EIF4EBP1: variants seen among roughly 807,000 people sequenced by gnomAD.
EIF4EBP1 encodes the protein eukaryotic translation initiation factor 4E-binding protein 1.
A neutral mutation model predicts 9.2 loss-of-function variants in EIF4EBP1; 5 were observed. That is an observed-to-expected ratio of 0.54 (90% CI 0.28 to 1.14). EIF4EBP1 has a LOEUF of 1.14. EIF4EBP1 is among the 50% of genes most tolerant of loss of function. The pLI is 0.09. For synonymous variants in EIF4EBP1, 62 were observed against 67.0 expected (o/e 0.93, Z 0.36); for missense variants, 139 against 169.6 (o/e 0.82, Z 1.00).
At chr8:38,054,873 T>TG (rs2130399049) in intron 1 of EIF4EBP1, among the ~76,000 whole-genome samples, 1 of 152,292 alleles carries the variant, frequency 6.6e-6, no homozygotes, top group South Asian at 2.1e-4. Context: ...ATTTTACAGA[T>TG]GAGGAGATGG....
intron 1 of EIF4EBP1, among the ~76,000 whole-genome samples, chr8:38,046,584 T>C (rs189572132): frequency 6.6e-6 from 1 of 152,332 alleles, no homozygotes; most frequent in East Asian, 1.9e-4. Context: ...TTATGTCACC[T>C]GGACCCTGCA....
rs929281864 is a variant in EIF4EBP1, at chr8:38,035,582, G to A, written c.145+4864G>A. Among the ~76,000 whole-genome samples the A allele has an allele frequency of 4.6e-5, 7 of 152,204 alleles. No homozygotes were observed. In the South Asian group the frequency reaches 1.5e-3, roughly 32 times the overall value. On this transcript the variant is annotated intron_variant, in intron 1 of 2. Coordinates refer to ENST00000338825, the MANE Select transcript of EIF4EBP1 (RefSeq NM_004095.4). ...CTAACTCTGTCGCCCAGGCTAGAGT[G>A]CAGTGGCATGATTTCAGCTCACTGC...
At chr8:38,056,856 T>C (rs1585532342) in intron 1 of EIF4EBP1, among the ~76,000 whole-genome samples, 1 of 151,592 alleles carries the variant, frequency 6.6e-6, no homozygotes, top group Admixed American at 6.6e-5. Context: ...AGAGACGGGG[T>C]TTCACCATGT....
rs1259221453 is a variant in EIF4EBP1, at chr8:38,042,401, C to T, written c.145+11683C>T. Among the ~76,000 whole-genome samples the T allele has an allele frequency of 2.6e-5, 4 of 152,290 alleles. No individual in the cohort carries two copies. The East Asian group carries it at 5.8e-4, about 22-fold the overall frequency. On this transcript the variant is annotated intron_variant, in intron 1 of 2. Coordinates refer to ENST00000338825, the MANE Select transcript of EIF4EBP1 (RefSeq NM_004095.4). Reference sequence around the variant, plus strand: ...TGTAAACAGATTTCTCTCTTCTGCCCTTCTGAACACAAGGGTAGAGTGGGC... The same window carrying T: ...TGTAAACAGATTTCTCTCTTCTGCCTTTCTGAACACAAGGGTAGAGTGGGC...
chr8:38,043,427 C>T (rs1040162320), intron 1 of EIF4EBP1, among the ~76,000 whole-genome samples: 1 of 145,290 alleles, frequency 6.9e-6, no homozygotes, highest in Admixed American at 7.0e-5. Context: ...TGCAGTGGTG[C>T]GATCTTGGCT....
At chr8:38,058,318 G>A (rs560264533) in intron 2 of EIF4EBP1, among the ~76,000 whole-genome samples, 32 of 152,248 alleles carry the variant, frequency 2.1e-4, no homozygotes, top group Non-Finnish European at 3.4e-4. Context: ...ATAACATGGC[G>A]GAAGGCATCA....
At chr8:38,033,499 G>C (rs1006754785) in intron 1 of EIF4EBP1, among the ~76,000 whole-genome samples, 1 of 151,722 alleles carries the variant, frequency 6.6e-6, no homozygotes, top group African/African-American at 2.4e-5. Context: ...AAAAAAGATG[G>C]CTCCATCCAG....
At chr8:38,051,925 T>C (rs1275895268) in intron 1 of EIF4EBP1, among the ~76,000 whole-genome samples, 2 of 152,196 alleles carry the variant, frequency 1.3e-5, no homozygotes, top group Non-Finnish European at 2.9e-5. Context: ...GAGGTCTCGC[T>C]GTGTTGGCCA....
At chr8:38,040,622 T>C (rs1398266904) in intron 1 of EIF4EBP1, among the ~76,000 whole-genome samples, 3 of 152,230 alleles carry the variant, frequency 2.0e-5, no homozygotes, top group African/African-American at 7.2e-5. Flanking sequence ...AGCTCCAAGA[T>C]GGTCTTACCC....
Position 38,045,711 on chromosome 8 carries a change from T to A in EIF4EBP1, c.146-11370T>A, listed in dbSNP as rs796100255. Among the ~76,000 whole-genome samples the A allele has an allele frequency of 2.0e-5, 3 of 152,064 alleles. 1 individual carries two copies. Among genetic ancestry groups the A allele is most frequent in the African/African-American group, 7.2e-5 (3 of 41,528 alleles). On this transcript the variant is annotated intron_variant, in intron 1 of 2. Transcript: ENST00000338825. ...CAGACCGAGACTCTATCTCAAAAAATAATAATAATGATAATTAATTAATAG... is the reference window on the plus strand; with the variant it reads ...CAGACCGAGACTCTATCTCAAAAAAAAATAATAATGATAATTAATTAATAG...
chr8:38,048,981 C>T (rs952150728), intron 1 of EIF4EBP1, among the ~76,000 whole-genome samples: 4 of 151,496 alleles, frequency 2.6e-5, no homozygotes, highest in African/African-American at 7.3e-5. Context: ...CAAAATTAGC[C>T]GGGCTTGGTG....
intron 1 of EIF4EBP1, among the ~76,000 whole-genome samples, chr8:38,031,980 G>A (rs889306252): frequency 1.3e-5 from 2 of 152,238 alleles, no homozygotes; most frequent in Non-Finnish European, 1.5e-5. Flanking sequence ...TGCCATTCCC[G>A]ACTCATCCTC....
chr8:38,059,827 A>G (rs1311093689), intron 2 of EIF4EBP1, 77 bp from the exon 3 acceptor site: 3 of 1,284,192 alleles, frequency 2.3e-6, no homozygotes, highest in African/African-American at 1.6e-5. Flanking sequence ...GTATTTCTTT[A>G]TAGCAATGAA....
chr8:38,057,204 C>G lies in EIF4EBP1; in HGVS notation c.269C>G (p.Pro90Arg), dbSNP rs761343160. 5.0e-6 allele frequency: 8 copies of G among 1,614,022 alleles called. No homozygotes were observed. The African/African-American group carries it at 9.3e-5, about 19-fold the overall frequency. The change falls in exon 2 of 3, where the codon CCC becomes CGC. Residue 90 changes from proline to arginine, a missense_variant. Pro to Arg is a moderately radical substitution (Grantham distance 103, BLOSUM62 -2). Coordinates refer to ENST00000338825, the MANE Select transcript of EIF4EBP1 (RefSeq NM_004095.4). ...ACCAGCCCTTCCAGTGATGAGCCCC[C>G]CATGGAAGCCAGCCAGAGCCACCTG... ...GVTSPSSDEPPMEASQSHLRN... is the reference protein window; with the variant it reads ...GVTSPSSDEPRMEASQSHLRN...
intron 1 of EIF4EBP1, among the ~76,000 whole-genome samples, chr8:38,040,653 G>A (rs1336364320): frequency 6.6e-6 from 1 of 152,184 alleles, no homozygotes; most frequent in Non-Finnish European, 1.5e-5. Context: ...GGCATTGCTG[G>A]GGACAGCTGG....
chr8:38,030,792 G>C, intron 1 of EIF4EBP1, 74 bp downstream of exon 1: 1 of 1,368,880 alleles, frequency 7.3e-7, no homozygotes, highest in Non-Finnish European at 9.4e-7. Flanking sequence ...GGATTGGACC[G>C]GGTGTCCAGG....
intron 1 of EIF4EBP1, among the ~76,000 whole-genome samples, chr8:38,043,782 T>G (rs985909316): frequency 1.3e-5 from 2 of 152,076 alleles, no homozygotes; most frequent in African/African-American, 4.8e-5. Flanking sequence ...GGATCTTGGT[T>G]CTCTTTGTGG....
At chr8:38,041,416 T>C (rs1402033046) in intron 1 of EIF4EBP1, among the ~76,000 whole-genome samples, 7 of 152,206 alleles carry the variant, frequency 4.6e-5, no homozygotes. Flanking sequence ...AATATATGCC[T>C]TTTAATGAGA....
intron 1 of EIF4EBP1, among the ~76,000 whole-genome samples, chr8:38,046,713 A>G (rs1309807988): frequency 6.6e-6 from 1 of 152,210 alleles, no homozygotes; most frequent in Non-Finnish European, 1.5e-5. Context: ...GTCGTCGCCA[A>G]TCTGGAGAAG....
Sources: gnomAD v4.1 joint callset for allele counts (sites outside exome capture counted in the v4.1 genomes callset) on GRCh38, gnomAD v4.1.1 for gene constraint, MANE v1.5 for transcripts, NCBI Gene and HGNC (gene_info 2026-07-23, HGNC 2026-07-21) for gene names.